Variants in NFX1 observed in about 807,000 individuals in gnomAD.
NFX1 encodes the protein transcriptional repressor NF-X1.
A neutral mutation model predicts 137.2 loss-of-function variants in NFX1; 69 were observed. The ratio of observed to expected loss-of-function variants is 0.50; its 90% CI spans 0.41 to 0.61. The LOEUF is 0.61. Ranked by LOEUF, NFX1 falls within the 20% of genes least tolerant of loss-of-function variation. NFX1 has a pLI of 0.00. For missense variants in NFX1, 1,167 were observed against 1,391.0 expected, an observed-to-expected ratio of 0.84 and a Z score of 2.56; for synonymous variants, 495 against 474.1, an observed-to-expected ratio of 1.04 and a Z score of -0.57.
At chr9:33,364,823 G>GAA (rs369528056) in intron 21 of NFX1, 49 bp downstream of exon 21, 7 of 1,227,912 alleles carry the variant, frequency 5.7e-6, no homozygotes, top group Admixed American at 4.6e-5. Flanking sequence ...CCAGCTTGAT[G>GAA]AAAAAAAAAA....
At chr9:33,350,473 C>G (rs1349753925) in intron 15 of NFX1, among the ~76,000 whole-genome samples, 1 of 152,170 alleles carries the variant, frequency 6.6e-6, no homozygotes, top group Non-Finnish European at 1.5e-5. Flanking sequence ...GCCAGTTAGT[C>G]ATAGCATTTT....
In NFX1 at chr9:33,336,669, C is replaced by T. The variant is rs142688728; in HGVS notation, c.2036-1841C>T. Among the ~76,000 whole-genome samples, 93 of 152,312 alleles carry T rather than the reference C, an allele frequency of 6.1e-4. 1 individual carries two copies. Among genetic ancestry groups the T allele is most frequent in the Non-Finnish European group, 1.2e-3 (84 of 68,022 alleles). ...TTGACTGGAGTGCAGTGGCAGACCA[C>T]AGCTCACTGCAGCCTTGATCTCCTG... is the stretch of plus-strand genomic sequence containing the variant. On this transcript the variant is annotated intron_variant, in intron 11 of 23. Transcript: ENST00000379540.
At chr9:33,303,913 C>G (rs759378010) in intron 4 of NFX1, among the ~76,000 whole-genome samples, 7 of 152,046 alleles carry the variant, frequency 4.6e-5, no homozygotes, top group Non-Finnish European at 7.3e-5. Context: ...CTGTCTGTCT[C>G]CCTCCCTGAA....
intron 19 of NFX1, among the ~76,000 whole-genome samples, 166 bp from the exon 20 acceptor site, chr9:33,363,844 A>G (rs570234433): frequency 1.3e-5 from 2 of 152,320 alleles, no homozygotes; most frequent in South Asian, 4.1e-4. Flanking sequence ...TGAAGACAAT[A>G]CCACCTCATG....
intron 10 of NFX1, among the ~76,000 whole-genome samples, chr9:33,330,451 C>T (rs939690718): frequency 2.0e-5 from 3 of 152,174 alleles, no homozygotes; most frequent in Admixed American, 2.0e-4. Context: ...AAAGAAATTA[C>T]AATATACATA....
chr9:33,352,516 A>G, intron 16 of NFX1, 130 bp from the exon 17 acceptor site: 2 of 772,692 alleles, frequency 2.6e-6, no homozygotes, highest in Non-Finnish European at 4.6e-6. Flanking sequence ...AGCTTCTTCC[A>G]GCTTGGAGAG....
intron 5 of NFX1, among the ~76,000 whole-genome samples, chr9:33,308,028 C>T (rs1206019083): frequency 6.6e-6 from 1 of 152,080 alleles, no homozygotes; most frequent in East Asian, 1.9e-4. Flanking sequence ...TGGTCTCGAA[C>T]TCCTGGGCTC....
At chr9:33,296,606 A>T (rs1409650891) in intron 2 of NFX1, among the ~76,000 whole-genome samples, 1 of 152,186 alleles carries the variant, frequency 6.6e-6, no homozygotes, top group African/African-American at 2.4e-5. Context: ...ATGTTAGCAC[A>T]TGCCTGTAGT....
rs946995847 is a variant in NFX1 at position 33,370,460 on chromosome 9, T to C, written c.*482T>C. On this transcript the variant is annotated 3_prime_UTR_variant, in exon 24 of 24. Transcript: ENST00000379540. ...GAATTTTTTAGTCTGAAATACCAAATAATGAATTGGTATACCATATCCGGA... is the reference window on the plus strand; with the variant it reads ...GAATTTTTTAGTCTGAAATACCAAACAATGAATTGGTATACCATATCCGGA... The C allele has an allele frequency of 6.5e-6, 1 of 154,046 alleles. No individual in the cohort carries two copies. The highest frequency in any genetic ancestry group is 1.4e-5 in the Non-Finnish European group (1 of 69,434). The allele number at this position is 154,046 out of a possible 1,614,324, so 9.5% of individuals were successfully genotyped here.
intron 7 of NFX1, among the ~76,000 whole-genome samples, chr9:33,316,575 C>A (rs1194729401): frequency 6.6e-6 from 1 of 152,142 alleles, no homozygotes; most frequent in Non-Finnish European, 1.5e-5. Context: ...TGTTTTTCCA[C>A]ATTAGTTATC....
At chr9:33,352,985 C>A in intron 17 of NFX1, 1 of 345,036 alleles carries the variant, frequency 2.9e-6, no homozygotes, top group Non-Finnish European at 5.4e-6. Context: ...CCAGGCTGGT[C>A]TCCCACCTTG....
chr9:33,350,346 C>T (rs773879588), intron 15 of NFX1, among the ~76,000 whole-genome samples: 8 of 151,694 alleles, frequency 5.3e-5, no homozygotes, highest in Non-Finnish European at 1.0e-4. Flanking sequence ...AAAAAATGGC[C>T]CTGCCATCAG....
chr9:33,347,648 T>C, intron 15 of NFX1: 1 of 380,710 alleles, frequency 2.6e-6, no homozygotes, highest in Non-Finnish European at 5.2e-6. Context: ...AAAGTAGATT[T>C]ACCGTTTGAT....
intron 15 of NFX1, chr9:33,347,658 T>C: frequency 2.5e-6 from 1 of 405,654 alleles, no homozygotes; most frequent in Non-Finnish European, 4.9e-6. Flanking sequence ...TACCGTTTGA[T>C]CCAGCAGTCC....
At chr9:33,330,436 TC>T (rs1822763286) in intron 10 of NFX1, among the ~76,000 whole-genome samples, 1 of 152,210 alleles carries the variant, frequency 6.6e-6, no homozygotes, top group Non-Finnish European at 1.5e-5. Flanking sequence ...ATGGGTTTTT[TC>T]CTGAAAGAAA....
At chr9:33,367,694 T>C in intron 23 of NFX1, 75 bp downstream of exon 23, 1 of 1,433,146 alleles carries the variant, frequency 7.0e-7, no homozygotes. Flanking sequence ...TGTCCTGAGC[T>C]GCACCAGCCA....
At chr9:33,337,661 C>T (rs1000505503) in intron 11 of NFX1, among the ~76,000 whole-genome samples, 4 of 152,120 alleles carry the variant, frequency 2.6e-5, no homozygotes, top group Admixed American at 6.6e-5. Flanking sequence ...TGCAGGAATT[C>T]GAGGTTACAG....
chr9:33,335,270 G>A (rs1430433339), intron 11 of NFX1, among the ~76,000 whole-genome samples: 1 of 82,122 alleles, frequency 1.2e-5, no homozygotes, highest in South Asian at 3.4e-4. Context: ...TGCTCTTGTT[G>A]CCCAGGCTGG....
At chr9:33,342,443 C>T (rs552328354) in intron 12 of NFX1, among the ~76,000 whole-genome samples, 2 of 152,178 alleles carry the variant, frequency 1.3e-5, no homozygotes, top group African/African-American at 4.8e-5. Flanking sequence ...GCCTGGGCGA[C>T]AGAGCGAGAC....
Sources: gnomAD v4.1 joint callset for allele counts (sites outside exome capture counted in the v4.1 genomes callset) on GRCh38, gnomAD v4.1.1 for gene constraint, MANE v1.5 for transcripts, NCBI Gene and HGNC (gene_info 2026-07-23, HGNC 2026-07-21) for gene names.